The following KIAA2012 variants were observed in gnomAD, a reference collection of about 807,000 sequenced individuals.
KIAA2012 encodes uncharacterized protein KIAA2012.
KIAA2012 carries 125 observed loss-of-function variants against 150.6 expected under a neutral mutation model. The ratio of observed to expected loss-of-function variants is 0.83; its 90% CI spans 0.72 to 0.96. KIAA2012 has a LOEUF of 0.96. KIAA2012 is among the 40% of genes least tolerant of loss of function. KIAA2012 has a pLI of 0.00. For missense variants in KIAA2012, 1,219 were observed against 1,354.9 expected (o/e 0.90, Z 1.57); for synonymous variants, 462 against 504.7 (o/e 0.92, Z 1.13).
chr2:202,167,584 T>C (rs754528397), intron 15 of KIAA2012, among the ~76,000 whole-genome samples: 1 of 152,180 alleles, frequency 6.6e-6, no homozygotes, highest in Non-Finnish European at 1.5e-5. Flanking sequence ...CCCAGCACTT[T>C]GGGAGGCAGG....
rs371226490 is a variant in KIAA2012 at position 202,091,951 on chromosome 2, A to G, written c.529+1022A>G. Among the ~76,000 whole-genome samples, 23 of 152,314 alleles carry G rather than the reference A, an allele frequency of 1.5e-4. No individual in the cohort carries two copies. The East Asian group carries it at 3.1e-3, about 20-fold the overall frequency. ...TCCTCCAGTCATTGGTTTTACTCTC[A>G]GGGCAGTTCCACAGTTATAGGCAGT... On this transcript the variant is annotated intron_variant, in intron 3 of 23. Coordinates refer to ENST00000498697, the MANE Select transcript of KIAA2012 (RefSeq NM_001277372.4).
At chr2:202,157,707 C>T (rs1691557539) in intron 14 of KIAA2012, among the ~76,000 whole-genome samples, 1 of 152,178 alleles carries the variant, frequency 6.6e-6, no homozygotes, top group African/African-American at 2.4e-5. Context: ...TGGTAAATGG[C>T]AGAAGCAAGA....
At position 202,138,450 on chromosome 2, in the gene KIAA2012, C is replaced by G; in HGVS notation, c.1850C>G (p.Ala617Gly). Residue 617 changes from alanine to glycine, a missense_variant, in exon 13 of 24, where the codon GCC becomes GGC. Coordinates refer to ENST00000498697, the MANE Select transcript of KIAA2012 (RefSeq NM_001277372.4). ...ACTACAGCAAACACTGAACCTAGAGCCAATCTTCACATGAACCTTTATGAA... is the reference window on the plus strand; with the variant it reads ...ACTACAGCAAACACTGAACCTAGAGGCAATCTTCACATGAACCTTTATGAA... Reference protein sequence around the residue: ...HFLKANTEPRANLHMNLYETS... With the variant: ...HFLKANTEPRGNLHMNLYETS... The G allele has an allele frequency of 6.4e-7, 1 of 1,550,544 alleles. No homozygotes were observed. Among genetic ancestry groups the G allele is most frequent in the Admixed American group, 2.0e-5 (1 of 50,998 alleles).
intron 14 of KIAA2012, among the ~76,000 whole-genome samples, chr2:202,163,868 A>G (rs1311897562): frequency 7.4e-6 from 1 of 134,392 alleles, no homozygotes; most frequent in East Asian, 2.2e-4. Flanking sequence ...TAAGAAAATT[A>G]TTTACCTGTG....
chr2:202,085,495 C>A (rs1315850453), intron 2 of KIAA2012, among the ~76,000 whole-genome samples: 1 of 151,982 alleles, frequency 6.6e-6, no homozygotes, highest in Non-Finnish European at 1.5e-5. Context: ...GAGGAAAGGG[C>A]CACAAGCCAA....
At chr2:202,097,143 A>G (rs928073902) in intron 4 of KIAA2012, among the ~76,000 whole-genome samples, 1 of 152,176 alleles carries the variant, frequency 6.6e-6, no homozygotes, top group Non-Finnish European at 1.5e-5. Context: ...TAACTCTACA[A>G]GGAAGTGAGG....
chr2:202,097,620 C>T (rs887411444), intron 5 of KIAA2012, 43 bp downstream of exon 5: 5 of 1,537,136 alleles, frequency 3.3e-6, no homozygotes, highest in African/African-American at 2.8e-5. Flanking sequence ...GACGGAGTCT[C>T]ACTCTGTCAC....
At chr2:202,143,075 A>ATTTTTTTTTTTTTTTTTTTTTTTTTT (rs59488285) in intron 13 of KIAA2012, among the ~76,000 whole-genome samples, 1 of 124,988 alleles carries the variant, frequency 8.0e-6, no homozygotes. Context: ...CACTGGTTTA[A>ATTTTTTTTTTTTTTTTTTTTTTTTTT]TTTTTTTTTT....
At chr2:202,155,316 G>A (rs1172801792) in intron 14 of KIAA2012, among the ~76,000 whole-genome samples, 1 of 152,146 alleles carries the variant, frequency 6.6e-6, no homozygotes, top group Non-Finnish European at 1.5e-5. Context: ...TAAGGGTTCT[G>A]AGGGTTTCTA....
At chr2:202,197,114 A>T in intron 22 of KIAA2012, 95 bp downstream of exon 22, 1 of 1,522,426 alleles carries the variant, frequency 6.6e-7, no homozygotes, top group Non-Finnish European at 8.8e-7. Flanking sequence ...TTTAGACAAG[A>T]AAAGTCCCCC....
chr2:202,201,854 T>C, intron 22 of KIAA2012: 2 of 1,269,116 alleles, frequency 1.6e-6, no homozygotes, highest in South Asian at 1.2e-5. Context: ...CAGGCTAGGT[T>C]GGCTGTGTTG....
At chr2:202,100,232 GATA>G in intron 6 of KIAA2012, 72 bp from the exon 7 acceptor site, 1 of 1,443,356 alleles carries the variant, frequency 6.9e-7, no homozygotes. Context: ...ACTACGACGT[GATA>G]AAAGTCAAAA....
chr2:202,090,261 A>C (rs1575004603), intron 2 of KIAA2012, among the ~76,000 whole-genome samples: 1 of 60,264 alleles, frequency 1.7e-5, no homozygotes, highest in African/African-American at 7.2e-5. Context: ...ACTTTGGCAG[A>C]TAGGTTCCCA....
At position 202,097,461 on chromosome 2, in the gene KIAA2012, G is replaced by A. The variant is rs1179674781; in HGVS notation, c.712G>A (p.Ala238Thr). ...QRQQGLDEGE[A>T]GAAGHVDQGP... The stretch of plus-strand genomic sequence containing the variant: ...TCAACAGGGCCTGGATGAAGGGGAA[G>A]CTGGAGCTGCTGGACACGTGGACCA... Residue 238 changes from alanine to threonine, a missense_variant, in exon 5 of 24, where the codon GCT becomes ACT. Physicochemically the swap from Ala to Thr is moderately conservative, Grantham distance 58. Coordinates refer to ENST00000498697, the MANE Select transcript of KIAA2012 (RefSeq NM_001277372.4). The A allele has an allele frequency of 1.9e-6, 3 of 1,550,484 alleles. No homozygotes were observed. The highest frequency in any genetic ancestry group is 1.4e-5 in the African/African-American group (1 of 73,038).
At chr2:202,168,347 A>G in intron 15 of KIAA2012, among the ~76,000 whole-genome samples, 1 of 146,188 alleles carries the variant, frequency 6.8e-6, no homozygotes, top group Non-Finnish European at 1.5e-5. Context: ...TGAACCCGGG[A>G]GGCGGAGGTT....
intron 9 of KIAA2012, among the ~76,000 whole-genome samples, chr2:202,109,019 A>G (rs948742531): frequency 6.6e-6 from 1 of 152,198 alleles, no homozygotes; most frequent in African/African-American, 2.4e-5. Flanking sequence ...AGTGTAGGGT[A>G]TGCTCTATGG....
At chr2:202,079,150 A>G (rs865874241) in intron 2 of KIAA2012, among the ~76,000 whole-genome samples, 2 of 152,320 alleles carry the variant, frequency 1.3e-5, no homozygotes, top group Middle Eastern at 3.4e-3. Flanking sequence ...TTTTACAAAT[A>G]AAATAAAAAT....
At chr2:202,106,161 A>T (rs1690185378) in intron 9 of KIAA2012, 1 of 1,074,874 alleles carries the variant, frequency 9.3e-7, no homozygotes, top group Admixed American at 2.7e-5. Context: ...AACAGTGTCC[A>T]GCTCACCAGT....
Position 202,193,453 on chromosome 2 carries a change from G to A in KIAA2012, c.2964G>A (p.Lys988=), listed in dbSNP as rs756753786. 2.6e-6 allele frequency: 4 copies of A among 1,550,336 alleles called. No individual in the cohort carries two copies. In the South Asian group the frequency reaches 4.8e-5, roughly 18 times the overall value. ...LQQEQLERAK[K]MEEELELEQQ... is the part of the protein sequence containing the mutation. Reference sequence around the variant, plus strand: ...AGGAGCAGCTGGAGAGAGCAAAAAAGATGGAGGAGGAGCTGGAGCTGGAGC... The same window carrying A: ...AGGAGCAGCTGGAGAGAGCAAAAAAAATGGAGGAGGAGCTGGAGCTGGAGC... The change falls in exon 20 of 24, where the codon AAG becomes AAA. Residue 988 remains lysine (K), a synonymous_variant. Coordinates refer to ENST00000498697, the MANE Select transcript of KIAA2012 (RefSeq NM_001277372.4).
Sources: gnomAD v4.1 joint callset for allele counts (sites outside exome capture counted in the v4.1 genomes callset) on GRCh38, gnomAD v4.1.1 for gene constraint, MANE v1.5 for transcripts, NCBI Gene and HGNC (gene_info 2026-07-23, HGNC 2026-07-21) for gene names.